Variants in CPLX4 observed in about 807,000 individuals in gnomAD.
CPLX4 encodes the protein complexin-4.
Under a neutral mutation model 16.1 loss-of-function variants are expected in CPLX4, and 17 were observed. The ratio of observed to expected loss-of-function variants is 1.06; its 90% CI spans 0.72 to 1.59. The LOEUF is 1.59. Ranked by LOEUF, CPLX4 falls within the 40% of genes most tolerant of loss-of-function variation. The pLI is 0.00. For missense variants in CPLX4, 193 were observed against 192.9 expected, an observed-to-expected ratio of 1.00 and a Z score of 0.00; for synonymous variants, 55 against 57.8, an observed-to-expected ratio of 0.95 and a Z score of 0.22.
chr18:59,297,061 C>G, intron 2 of CPLX4, 136 bp from the exon 3 acceptor site: 1 of 1,390,718 alleles, frequency 7.2e-7, no homozygotes, highest in South Asian at 1.5e-5. Context: ...TGCAGCAGAG[C>G]CTGGTCCTGA....
chr18:59,306,814 T>C (rs1266063594), intron 2 of CPLX4, among the ~76,000 whole-genome samples: 1 of 152,156 alleles, frequency 6.6e-6, no homozygotes, highest in Non-Finnish European at 1.5e-5. Context: ...GTAACCGCTG[T>C]GGTGGTGACC....
chr18:59,307,078 T>C (rs1310775552), intron 2 of CPLX4, among the ~76,000 whole-genome samples: 1 of 152,110 alleles, frequency 6.6e-6, no homozygotes, highest in Non-Finnish European at 1.5e-5. Context: ...GTCTGTTCAG[T>C]TCTAAAGTCT....
chr18:59,300,908 T>G (rs2070536264), intron 2 of CPLX4, among the ~76,000 whole-genome samples: 1 of 152,224 alleles, frequency 6.6e-6, no homozygotes, highest in Admixed American at 6.5e-5. Context: ...CACTAGGCTC[T>G]CTATTCTAGG....
chr18:59,307,122 T>C (rs890147823), intron 2 of CPLX4, among the ~76,000 whole-genome samples: 50 of 152,018 alleles, frequency 3.3e-4, no homozygotes, highest in African/African-American at 1.2e-3. Context: ...TTTAGAGGGA[T>C]ATGAGGAGAA....
At chr18:59,304,768 C>T (rs2070564501) in intron 2 of CPLX4, among the ~76,000 whole-genome samples, 1 of 152,194 alleles carries the variant, frequency 6.6e-6, no homozygotes, top group African/African-American at 2.4e-5. Context: ...GACGGGGTTT[C>T]ACCATGTTGG....
In CPLX4 at chr18:59,318,284, G is replaced by GC. The variant is rs1218794252; in HGVS notation, c.167+11dup. ...TTTGCTTTTTAAGGGAAATGAAATA[G>GC]CATGTACTCACTTCTCCTCAATCAT... On this transcript the variant is annotated intron_variant, in intron 1 of 2. Transcript: ENST00000299721. The GC allele has an allele frequency of 6.3e-7, 1 of 1,593,950 alleles. No homozygotes were observed. The highest frequency in any genetic ancestry group is 8.5e-7 in the Non-Finnish European group (1 of 1,170,504).
Position 59,318,283 on chromosome 18 carries a change from A to G in CPLX4, c.167+13T>C, listed in dbSNP as rs781259553. 6.3e-7 allele frequency: 1 copy of G among 1,591,262 alleles called. No individual in the cohort carries two copies. Among genetic ancestry groups the G allele is most frequent in the Non-Finnish European group, 8.6e-7 (1 of 1,168,896 alleles). On this transcript the variant is annotated intron_variant, in intron 1 of 2. Coordinates refer to ENST00000299721, the MANE Select transcript of CPLX4 (RefSeq NM_181654.4). ...CTTTGCTTTTTAAGGGAAATGAAAT[A>G]GCATGTACTCACTTCTCCTCAATCA... is the stretch of plus-strand genomic sequence containing the variant.
intron 2 of CPLX4, among the ~76,000 whole-genome samples, chr18:59,306,157 G>T (rs572422039): frequency 1.3e-5 from 2 of 152,302 alleles, no homozygotes; most frequent in East Asian, 3.9e-4. Context: ...CCTTGTTTTA[G>T]ATGGGAGAGA....
intron 2 of CPLX4, among the ~76,000 whole-genome samples, chr18:59,305,387 C>T (rs1352697119): frequency 1.3e-5 from 2 of 151,734 alleles, no homozygotes; most frequent in Admixed American, 6.6e-5. Flanking sequence ...AAACAAAAAA[C>T]AGGAAAGAAA....
At chr18:59,299,657 T>C (rs2070526654) in intron 2 of CPLX4, among the ~76,000 whole-genome samples, 1 of 152,216 alleles carries the variant, frequency 6.6e-6, no homozygotes, top group African/African-American at 2.4e-5. Flanking sequence ...AGGTTCGTTT[T>C]ATCCTTGTGC....
chr18:59,314,077 A>G (rs1395322349), intron 1 of CPLX4, among the ~76,000 whole-genome samples: 2 of 152,210 alleles, frequency 1.3e-5, no homozygotes. Context: ...AAACTGATCA[A>G]AGGCCCTGGG....
intron 2 of CPLX4, among the ~76,000 whole-genome samples, chr18:59,302,190 C>A (rs2070546421): frequency 6.6e-6 from 1 of 152,254 alleles, no homozygotes; most frequent in Admixed American, 6.5e-5. Context: ...AGGACCTTGT[C>A]TGCAATTCAA....
chr18:59,308,041 G>A (rs1040504799), intron 2 of CPLX4, among the ~76,000 whole-genome samples: 2 of 151,836 alleles, frequency 1.3e-5, no homozygotes, highest in Non-Finnish European at 2.9e-5. Context: ...GCCTCTCAAT[G>A]TGCTGGGATT....
At chr18:59,316,613 T>C (rs1051996059) in intron 1 of CPLX4, among the ~76,000 whole-genome samples, 2 of 152,170 alleles carry the variant, frequency 1.3e-5, no homozygotes, top group African/African-American at 2.4e-5. Context: ...ATTTCTTACA[T>C]TGAGTGACTA....
intron 2 of CPLX4, among the ~76,000 whole-genome samples, chr18:59,303,079 T>C (rs2070552624): frequency 6.6e-6 from 1 of 152,164 alleles, no homozygotes; most frequent in African/African-American, 2.4e-5. Flanking sequence ...CATAAACCAC[T>C]CTCACTGTCC....
chr18:59,305,112 C>T (rs1446971862), intron 2 of CPLX4, among the ~76,000 whole-genome samples: 1 of 151,974 alleles, frequency 6.6e-6, no homozygotes, highest in African/African-American at 2.4e-5. Flanking sequence ...TATATGGGGA[C>T]ATGGAGGAGG....
chr18:59,307,138 C>A (rs2070581999), intron 2 of CPLX4, among the ~76,000 whole-genome samples: 1 of 152,154 alleles, frequency 6.6e-6, no homozygotes, highest in Admixed American at 6.5e-5. Flanking sequence ...GAGAAGGGGG[C>A]ACGAAAAAGT....
intron 2 of CPLX4, among the ~76,000 whole-genome samples, chr18:59,305,220 G>A (rs1001528641): frequency 2.6e-5 from 4 of 152,086 alleles, no homozygotes; most frequent in African/African-American, 9.7e-5. Context: ...AGGCCACAGG[G>A]AGCAGGGAAC....
intron 1 of CPLX4, among the ~76,000 whole-genome samples, chr18:59,313,663 G>T (rs571032963): frequency 6.6e-6 from 1 of 152,322 alleles, no homozygotes; most frequent in East Asian, 1.9e-4. Context: ...TTTGGGAATG[G>T]TACTAAGAAT....
Sources: allele counts gnomAD v4.1 joint callset (sites outside exome capture counted in the v4.1 genomes callset), GRCh38; gene constraint gnomAD v4.1.1; transcripts MANE v1.5; gene names NCBI Gene and HGNC (gene_info 2026-07-23, HGNC 2026-07-21).